The following TAPT1 variants were observed in gnomAD, a reference collection of about 807,000 sequenced individuals.
TAPT1 encodes the protein transmembrane anterior posterior transformation 1.
TAPT1 carries 28 observed loss-of-function variants against 65.6 expected under a neutral mutation model. The observed-to-expected ratio is 0.43, with a 90% CI of 0.32 to 0.59. The LOEUF is 0.59. Among genes scored for constraint, TAPT1 ranks in the 20% least tolerant of loss-of-function variants. The probability of loss-of-function intolerance (pLI) is 0.09; values close to 1 mark genes in which losing one functional copy is unlikely to be tolerated. For synonymous variants in TAPT1, 278 were observed against 245.2 expected (o/e 1.13, Z -1.25); for missense variants, 563 against 679.9 (o/e 0.83, Z 1.91).
At chr4:16,225,846 G>C in intron 1 of TAPT1, 1 of 982,770 alleles carries the variant, frequency 1.0e-6, no homozygotes, top group Non-Finnish European at 1.2e-6. Flanking sequence ...GCTCAAGTTT[G>C]CTTAAAATAC....
rs148152542 is a variant in TAPT1, at chr4:16,167,902, T to A, written c.1314-1109A>T. ...TTCTGGATATTTAGATTATTTTCAATATTTTGCTTCTACTAAAAAGTTTCT... is the reference window on the plus strand; with the variant it reads ...TTCTGGATATTTAGATTATTTTCAAAATTTTGCTTCTACTAAAAAGTTTCT... On this transcript the variant is annotated intron_variant, in intron 12 of 13. Transcript: ENST00000405303. 2.3e-4 allele frequency among the ~76,000 whole-genome samples: 35 copies of A among 152,324 alleles called. No homozygotes were observed. The Middle Eastern group carries it at 0.014, about 59-fold the overall frequency.
chr4:16,226,074 G>A, intron 1 of TAPT1, 185 bp downstream of exon 1: 2 of 1,020,510 alleles, frequency 2.0e-6, no homozygotes, highest in African/African-American at 1.7e-5. Context: ...CAACCCGCCC[G>A]AGGAACTGTC....
chr4:16,168,015 G>T lies in TAPT1; in HGVS notation c.1314-1222C>A, dbSNP rs541218971. Among the ~76,000 whole-genome samples the T allele has an allele frequency of 1.1e-3, 172 of 152,108 alleles. 3 individuals carry two copies. The highest frequency in any genetic ancestry group is 1.5e-4 in the Non-Finnish European group (10 of 68,012). On this transcript the variant is annotated intron_variant, in intron 12 of 13. Coordinates refer to ENST00000405303, the MANE Select transcript of TAPT1 (RefSeq NM_153365.3). ...ATAAAATTTCTGGGTCAAAGAATAT[G>T]AATATTTTAAGGCATTCAATACAAA...
chr4:16,200,727 GT>G lies in TAPT1; in HGVS notation c.449+1734del, dbSNP rs1449199646. Among the ~76,000 whole-genome samples, 8 of 152,244 alleles carry G rather than the reference GT, an allele frequency of 5.3e-5. No individual in the cohort carries two copies. In the East Asian group the frequency reaches 1.5e-3, roughly 29 times the overall value. ...CAAATAAAGATGTATATTTGGTAAT[GT>G]TCTATTAGATTGTATTTGGGTCTTC... is the stretch of plus-strand genomic sequence containing the variant. On this transcript the variant is annotated intron_variant, in intron 3 of 13. Coordinates refer to ENST00000405303, the MANE Select transcript of TAPT1 (RefSeq NM_153365.3).
chr4:16,193,104 G>A (rs1434032150), intron 3 of TAPT1, among the ~76,000 whole-genome samples: 1 of 152,178 alleles, frequency 6.6e-6, no homozygotes, highest in Non-Finnish European at 1.5e-5. Flanking sequence ...GATGTTTTCA[G>A]TTAGATATTA....
intron 3 of TAPT1, among the ~76,000 whole-genome samples, chr4:16,198,592 C>G (rs1749855550): frequency 6.6e-6 from 1 of 151,476 alleles, no homozygotes; most frequent in Admixed American, 6.6e-5. Flanking sequence ...AAATTGCAAT[C>G]AACTTCTTTG....
At chr4:16,203,450 C>CT (rs1174989706) in intron 2 of TAPT1, among the ~76,000 whole-genome samples, 1 of 152,040 alleles carries the variant, frequency 6.6e-6, no homozygotes. Context: ...GACATAGGGT[C>CT]TTTAAAGAGG....
upstream of TAPT1, chr4:16,227,267 C>T (rs1560199665): frequency 1.3e-5 from 6 of 455,452 alleles, no homozygotes; most frequent in South Asian, 9.3e-5. Context: ...TCTTTCGGGA[C>T]TGGGGTTAGG....
In TAPT1 at chr4:16,220,621, C is replaced by T. The variant is rs781735786; in HGVS notation, c.199+5638G>A. On this transcript the variant is annotated intron_variant, in intron 1 of 13. Coordinates refer to ENST00000405303, the MANE Select transcript of TAPT1 (RefSeq NM_153365.3). Reference sequence around the variant, plus strand: ...AAAATTTGCTGGGCATGGTGGTGCACGCCTGCAGTCCCAGCTACTTGGGAG... The same window carrying T: ...AAAATTTGCTGGGCATGGTGGTGCATGCCTGCAGTCCCAGCTACTTGGGAG... 5.3e-5 allele frequency among the ~76,000 whole-genome samples: 8 copies of T among 151,886 alleles called. No homozygotes were observed. In the South Asian group the frequency reaches 6.2e-4, roughly 12 times the overall value.
At chr4:16,207,146 A>C (rs1750394024) in intron 2 of TAPT1, among the ~76,000 whole-genome samples, 1 of 152,248 alleles carries the variant, frequency 6.6e-6, no homozygotes, top group Admixed American at 6.5e-5. Flanking sequence ...AGGGTGTGTC[A>C]CCAGCAAGAG....
intron 2 of TAPT1, among the ~76,000 whole-genome samples, chr4:16,211,044 G>T (rs1352792052): frequency 1.9e-5 from 2 of 108,070 alleles, no homozygotes; most frequent in African/African-American, 6.5e-5. Context: ...AAATTGGGGT[G>T]TTTTTTTTTT....
chr4:16,176,859 T>C (rs1199847521), intron 8 of TAPT1: 1 of 152,144 alleles, frequency 6.6e-6, no homozygotes, highest in Non-Finnish European at 1.5e-5. Context: ...CCTTAGAAAA[T>C]CCTTTAATTC....
chr4:16,212,014 A>G (rs1309158447), intron 2 of TAPT1, among the ~76,000 whole-genome samples: 1 of 151,710 alleles, frequency 6.6e-6, no homozygotes, highest in African/African-American at 2.4e-5. Context: ...CTTAAGAGAA[A>G]GAAAGAAGGA....
chr4:16,214,668 C>T (rs939394343), intron 1 of TAPT1: 5 of 152,252 alleles, frequency 3.3e-5, no homozygotes, highest in Admixed American at 6.5e-5. Context: ...TCGACCCCAC[C>T]TCTTCCCAGT....
intron 5 of TAPT1, 110 bp from the exon 6 acceptor site, chr4:16,186,988 T>A: frequency 1.5e-6 from 1 of 651,030 alleles, no homozygotes; most frequent in Non-Finnish European, 2.7e-6. Context: ...TAAATTGTCT[T>A]AATAAGTATT....
chr4:16,186,159 T>TA (rs2149686878), intron 7 of TAPT1, among the ~76,000 whole-genome samples: 1 of 152,298 alleles, frequency 6.6e-6, no homozygotes, highest in African/African-American at 2.4e-5. Flanking sequence ...GCTAAGGACT[T>TA]AGAGACAATC....
intron 2 of TAPT1, among the ~76,000 whole-genome samples, chr4:16,206,703 C>G (rs1280278853): frequency 1.3e-5 from 2 of 152,048 alleles, no homozygotes; most frequent in Non-Finnish European, 2.9e-5. Flanking sequence ...TCACAGCAGC[C>G]TGACATAGGA....
At position 16,162,758 on chromosome 4, in the gene TAPT1, C is replaced by G. The variant is rs541567580; in HGVS notation, c.*550G>C. 5.5e-6 allele frequency: 1 copy of G among 183,318 alleles called. No homozygotes were observed. The highest frequency in any genetic ancestry group is 2.4e-5 in the African/African-American group (1 of 42,132). 11.4% of individuals were successfully genotyped at this position (183,318 alleles called of 1,614,324 possible). ...ATTCATCATGTCTTATTTAAGGTAG[C>G]CTTTTATTCTGATTAATTAAGATAC... On this transcript the variant is annotated 3_prime_UTR_variant, in exon 14 of 14. Coordinates refer to ENST00000405303, the MANE Select transcript of TAPT1 (RefSeq NM_153365.3).
At chr4:16,197,603 A>G (rs1184427835) in intron 3 of TAPT1, among the ~76,000 whole-genome samples, 2 of 152,224 alleles carry the variant, frequency 1.3e-5, no homozygotes, top group Non-Finnish European at 2.9e-5. Context: ...GATGTTTCGT[A>G]CCTCTAACAT....
Sources: allele counts gnomAD v4.1 joint callset (sites outside exome capture counted in the v4.1 genomes callset), GRCh38; gene constraint gnomAD v4.1.1; transcripts MANE v1.5; gene names NCBI Gene and HGNC (gene_info 2026-07-23, HGNC 2026-07-21).